Variants in MRPS6 observed in about 807,000 individuals in gnomAD.
MRPS6 encodes the protein mitochondrial ribosomal protein S6, also known as small ribosomal subunit protein bS6m.
MRPS6 carries 6 observed loss-of-function variants against 13.1 expected under a neutral mutation model. The observed-to-expected ratio is 0.46, with a 90% CI of 0.25 to 0.91. The LOEUF is 0.91. Ranked by LOEUF, MRPS6 falls within the 40% of genes least tolerant of loss-of-function variation. MRPS6 has a pLI of 0.18. For missense variants in MRPS6, 164 were observed against 155.6 expected, an observed-to-expected ratio of 1.05 and a Z score of -0.29; for synonymous variants, 61 against 56.5, an observed-to-expected ratio of 1.08 and a Z score of -0.36.
intron 1 of MRPS6, among the ~76,000 whole-genome samples, chr21:34,121,362 C>T (rs1035022804): frequency 6.6e-6 from 1 of 152,138 alleles, no homozygotes; most frequent in Non-Finnish European, 1.5e-5. Flanking sequence ...GATGAGGAAA[C>T]TGAGGTACAA....
intron 1 of MRPS6, chr21:34,101,629 A>G (rs1160525027): frequency 2.0e-6 from 2 of 999,950 alleles, no homozygotes; most frequent in Admixed American, 6.2e-5. Flanking sequence ...GCAAATTCAA[A>G]TTTTGATTTT....
chr21:34,076,417 C>T (rs1040718912), intron 1 of MRPS6, among the ~76,000 whole-genome samples: 2 of 152,188 alleles, frequency 1.3e-5, no homozygotes, highest in Non-Finnish European at 2.9e-5. Context: ...TGAAAGATTT[C>T]AGAGTGTATT....
At chr21:34,086,237 C>T (rs972680903) in intron 1 of MRPS6, among the ~76,000 whole-genome samples, 123 of 151,936 alleles carry the variant, frequency 8.1e-4, no homozygotes, top group African/African-American at 2.9e-3. Flanking sequence ...TTTGTAAGAG[C>T]ACTTAAGTGG....
At chr21:34,140,627 AAGT>A (rs1980876516) in intron 2 of MRPS6, among the ~76,000 whole-genome samples, 1 of 152,200 alleles carries the variant, frequency 6.6e-6, no homozygotes, top group Non-Finnish European at 1.5e-5. Context: ...TTTTCTGTAT[AAGT>A]AGTTCTATCG....
chr21:34,131,457 C>T (rs1980499979), intron 2 of MRPS6, among the ~76,000 whole-genome samples: 1 of 152,200 alleles, frequency 6.6e-6, no homozygotes. Flanking sequence ...CCTTGAACAG[C>T]AGCTCCTCTG....
chr21:34,126,381 C>T (rs922302017), intron 2 of MRPS6, among the ~76,000 whole-genome samples: 3 of 152,194 alleles, frequency 2.0e-5, no homozygotes, highest in South Asian at 2.1e-4. Context: ...AGTGGAGTCG[C>T]GTCTCACATC....
In MRPS6 at chr21:34,096,087, G is replaced by A; in HGVS notation, c.45+22342G>A. ...AGCCAAAAACATTGCTCATGCCAAA[G>A]GCTCTACTCTTATGGCTGGCTTCTT... is the stretch of plus-strand genomic sequence containing the variant. On this transcript the variant is annotated intron_variant, in intron 1 of 2. Transcript: ENST00000399312. The surrounding 1 kb of genome is among the most constrained non-coding windows in gnomAD (Gnocchi z 5.9). 1 of 1,614,112 alleles carries A rather than the reference G, an allele frequency of 6.2e-7. No individual in the cohort carries two copies. The highest frequency in any genetic ancestry group is 1.1e-5 in the South Asian group (1 of 91,082).
intron 1 of MRPS6, among the ~76,000 whole-genome samples, chr21:34,094,680 A>G (rs982874000): frequency 4.6e-5 from 7 of 152,240 alleles, no homozygotes; most frequent in Admixed American, 3.3e-4. Context: ...CTCACTGACA[A>G]AAGTATCAGC....
In MRPS6 at chr21:34,142,223, T is replaced by A. The variant is rs62213665; in HGVS notation, c.186-185T>A. On this transcript the variant is annotated intron_variant, in intron 2 of 2. Coordinates refer to ENST00000399312, the MANE Select transcript of MRPS6 (RefSeq NM_032476.4). Reference sequence around the variant, plus strand: ...ACCATAGAAAAAGGGAGATTGGGCTTAACACTGCAATTCTGTTTAGCTGGT... The same window carrying A: ...ACCATAGAAAAAGGGAGATTGGGCTAAACACTGCAATTCTGTTTAGCTGGT... Among the ~76,000 whole-genome samples, 782 of 152,318 alleles carry A rather than the reference T, an allele frequency of 5.1e-3. 8 individuals carry two copies. Among genetic ancestry groups the A allele is most frequent in the Non-Finnish European group, 8.6e-3 (583 of 68,022 alleles).
intron 1 of MRPS6, among the ~76,000 whole-genome samples, chr21:34,112,850 A>G (rs374375009): frequency 6.6e-6 from 1 of 152,212 alleles, no homozygotes; most frequent in African/African-American, 2.4e-5. Context: ...AACATAATTC[A>G]GAGAAACACA....
At chr21:34,118,924 A>G (rs1471240395) in intron 1 of MRPS6, among the ~76,000 whole-genome samples, 2 of 152,198 alleles carry the variant, frequency 1.3e-5, no homozygotes, top group East Asian at 3.8e-4. Context: ...AAAGCCTATA[A>G]AGGTTACTTT....
chr21:34,106,306 A>G (rs1979474317), intron 1 of MRPS6: 1 of 381,420 alleles, frequency 2.6e-6, no homozygotes, highest in Non-Finnish European at 3.8e-6. Context: ...GCCACAATGT[A>G]GTGTTCTGGG....
At chr21:34,111,207 A>G (rs185321423) in intron 1 of MRPS6, among the ~76,000 whole-genome samples, 8 of 152,314 alleles carry the variant, frequency 5.3e-5, no homozygotes, top group Admixed American at 4.6e-4. Context: ...CTACAAATAA[A>G]TTTTAGCAAG....
intron 2 of MRPS6, among the ~76,000 whole-genome samples, chr21:34,132,407 C>T (rs1015073240): frequency 6.6e-6 from 1 of 152,226 alleles, no homozygotes; most frequent in Admixed American, 6.5e-5. Flanking sequence ...CAGTCACCAG[C>T]TGTGCATGCC....
chr21:34,085,537 A>G (rs912857041), intron 1 of MRPS6, among the ~76,000 whole-genome samples: 10 of 151,984 alleles, frequency 6.6e-5, no homozygotes, highest in Admixed American at 5.2e-4. Flanking sequence ...TTGCAGGAGT[A>G]CTTTAAAGCA....
At chr21:34,078,235 C>T (rs1156683939) in intron 1 of MRPS6, among the ~76,000 whole-genome samples, 1 of 152,076 alleles carries the variant, frequency 6.6e-6, no homozygotes, top group Non-Finnish European at 1.5e-5. Context: ...AACCAGGCAA[C>T]TTAAAATAGT....
At chr21:34,125,791 A>T (rs1980284397) in intron 2 of MRPS6, among the ~76,000 whole-genome samples, 1 of 152,214 alleles carries the variant, frequency 6.6e-6, no homozygotes. Flanking sequence ...TGCCTTTAAA[A>T]TACCTTAGTG....
At chr21:34,121,060 A>G (rs956845702) in intron 1 of MRPS6, among the ~76,000 whole-genome samples, 12 of 152,196 alleles carry the variant, frequency 7.9e-5, no homozygotes, top group African/African-American at 2.9e-4. Context: ...TTGGGAATAC[A>G]GTCATGTACA....
At chr21:34,139,646 C>G (rs953649612) in intron 2 of MRPS6, among the ~76,000 whole-genome samples, 5 of 152,134 alleles carry the variant, frequency 3.3e-5, no homozygotes, top group Non-Finnish European at 7.3e-5. Context: ...GATACAATCA[C>G]GGCTCACTGC....
Sources: allele counts gnomAD v4.1 joint callset (sites outside exome capture counted in the v4.1 genomes callset), GRCh38; gene constraint gnomAD v4.1.1; non-coding constraint Gnocchi (gnomAD v3.1); transcripts MANE v1.5; gene names NCBI Gene and HGNC (gene_info 2026-07-23, HGNC 2026-07-21).